The following RBMS3 variants were observed in gnomAD, a reference collection of about 807,000 sequenced individuals.
RBMS3 encodes RNA binding motif single stranded interacting protein 3.
A neutral mutation model predicts 66.8 loss-of-function variants in RBMS3; 27 were observed. That is an observed-to-expected ratio of 0.40 (90% confidence interval 0.30 to 0.56). The LOEUF (loss-of-function observed/expected upper bound fraction) is 0.56, where lower values mean the gene tolerates loss of function less well. Ranked by LOEUF, RBMS3 falls within the 20% of genes least tolerant of loss-of-function variation. RBMS3 has a pLI of 0.40. For synonymous variants in RBMS3, 188 were observed against 183.0 expected, an observed-to-expected ratio of 1.03 and a Z score of -0.22; for missense variants, 513 against 549.5, an observed-to-expected ratio of 0.93 and a Z score of 0.66.
chr3:29,695,943 G>A (rs1040828707), intron 4 of RBMS3, among the ~76,000 whole-genome samples: 12 of 152,194 alleles, frequency 7.9e-5, no homozygotes, highest in African/African-American at 2.4e-4. Context: ...TGAGCAGTGA[G>A]ATGGCCAAGG....
intron 6 of RBMS3, among the ~76,000 whole-genome samples, chr3:29,848,403 C>G (rs1184340547): frequency 6.6e-6 from 1 of 152,148 alleles, no homozygotes; most frequent in South Asian, 2.1e-4. Context: ...TTTTCTTTCA[C>G]TTGAAGCTTA....
intron 8 of RBMS3, 117 bp downstream of exon 8, chr3:29,884,325 G>A: frequency 1.1e-6 from 1 of 891,554 alleles, no homozygotes; most frequent in South Asian, 1.7e-5. Flanking sequence ...TAAACACAAA[G>A]TTTAAACCAA....
intron 2 of RBMS3, among the ~76,000 whole-genome samples, chr3:29,458,570 A>C (rs2042269983): frequency 6.6e-6 from 1 of 152,194 alleles, no homozygotes; most frequent in Admixed American, 6.5e-5. Context: ...TGTAAATGCT[A>C]TTCAACAGTT....
At chr3:29,466,490 G>A (rs1236552297) in intron 2 of RBMS3, among the ~76,000 whole-genome samples, 2 of 151,960 alleles carry the variant, frequency 1.3e-5, no homozygotes, top group East Asian at 3.9e-4. Context: ...ATGGATTCGT[G>A]CAGCTTTTGA....
chr3:29,527,987 T>A lies in RBMS3; in HGVS notation c.307+39488T>A, dbSNP rs532739800. Among the ~76,000 whole-genome samples, 4 of 151,896 alleles carry A rather than the reference T, an allele frequency of 2.6e-5. No homozygotes were observed. In the South Asian group the frequency reaches 8.3e-4, roughly 32 times the overall value. ...TATAATCTAAAAATTCTTAGTGTATTTTTTTTACCCTCAAATACTCAAGCA... is the reference window on the plus strand; with the variant it reads ...TATAATCTAAAAATTCTTAGTGTATATTTTTTACCCTCAAATACTCAAGCA... On this transcript the variant is annotated intron_variant, in intron 3 of 14. Coordinates refer to ENST00000383767, the MANE Select transcript of RBMS3 (RefSeq NM_001003793.3).
At chr3:29,339,940 A>G (rs1353903738) in intron 1 of RBMS3, among the ~76,000 whole-genome samples, 4 of 152,168 alleles carry the variant, frequency 2.6e-5, no homozygotes, top group Non-Finnish European at 1.5e-5. Context: ...TGAGAGAAGT[A>G]GCATCCTTTG....
intron 4 of RBMS3, among the ~76,000 whole-genome samples, chr3:29,717,792 A>G (rs573232122): frequency 3.3e-5 from 5 of 152,166 alleles, no homozygotes; most frequent in Admixed American, 6.6e-5. Flanking sequence ...AAGCAGAAAA[A>G]TGACTTAGCG....
chr3:29,561,458 TG>T (rs1464431660), intron 3 of RBMS3, among the ~76,000 whole-genome samples: 110 of 152,108 alleles, frequency 7.2e-4, no homozygotes, highest in African/African-American at 2.4e-3. Flanking sequence ...TTGTTGTTGT[TG>T]TTGTTGTTGC....
In RBMS3 at chr3:29,858,338, A is replaced by G. The variant is rs1352995267; in HGVS notation, c.638-10520A>G. ...ATAGTAATCTATAAATATAAAATAC[A>G]GTATGCAAAGAGCTGTCTCAGAGGA... is the stretch of plus-strand genomic sequence containing the variant. On this transcript the variant is annotated intron_variant, in intron 6 of 14. Transcript: ENST00000383767. Among the ~76,000 whole-genome samples, 4 of 152,226 alleles carry G rather than the reference A, an allele frequency of 2.6e-5. No individual in the cohort carries two copies. The East Asian group carries it at 7.7e-4, about 29-fold the overall frequency.
chr3:29,381,766 C>G (rs1249396418), intron 1 of RBMS3, among the ~76,000 whole-genome samples: 1 of 152,312 alleles, frequency 6.6e-6, no homozygotes, highest in African/African-American at 2.4e-5. Context: ...GGTCAGACAT[C>G]ACATATGTGG....
intron 4 of RBMS3, among the ~76,000 whole-genome samples, chr3:29,655,470 G>A (rs190440785): frequency 1.3e-3 from 195 of 152,290 alleles, no homozygotes; most frequent in Non-Finnish European, 1.3e-3. Context: ...GGTCTCATAA[G>A]ATTATAATAG....
chr3:29,503,794 A>G (rs144861452), intron 3 of RBMS3, among the ~76,000 whole-genome samples: 323 of 152,270 alleles, frequency 2.1e-3, no homozygotes, highest in African/African-American at 7.2e-3. Flanking sequence ...ATAGGTGCCT[A>G]TAAAGTACCT....
intron 1 of RBMS3, among the ~76,000 whole-genome samples, chr3:29,384,461 A>G (rs1452614007): frequency 6.6e-6 from 1 of 151,950 alleles, no homozygotes; most frequent in African/African-American, 2.4e-5. Flanking sequence ...AAGAAGAAGA[A>G]GAAGAATCCA....
chr3:29,512,842 C>A (rs1576070095), intron 3 of RBMS3, among the ~76,000 whole-genome samples: 1 of 152,160 alleles, frequency 6.6e-6, no homozygotes, highest in African/African-American at 2.4e-5. Flanking sequence ...GAGGAAAATT[C>A]CAACAATCTA....
intron 3 of RBMS3, among the ~76,000 whole-genome samples, chr3:29,524,415 A>ATC (rs1367633164): frequency 3.7e-4 from 21 of 57,074 alleles, no homozygotes; most frequent in Admixed American, 5.2e-4. Flanking sequence ...CTCCCTTTAC[A>ATC]TTTTTTTTTT....
intron 1 of RBMS3, among the ~76,000 whole-genome samples, chr3:29,337,557 G>A (rs891952864): frequency 6.6e-6 from 1 of 151,980 alleles, no homozygotes; most frequent in Non-Finnish European, 1.5e-5. Context: ...GAGGCAAGAG[G>A]ATTGCTTGAG....
chr3:29,457,622 T>C (rs972204677), intron 2 of RBMS3, among the ~76,000 whole-genome samples: 8 of 152,138 alleles, frequency 5.3e-5, no homozygotes, highest in Non-Finnish European at 1.0e-4. Context: ...CTCAGGAAGC[T>C]GAGGCATGAG....
At chr3:29,721,917 T>A (rs2149321935) in intron 4 of RBMS3, among the ~76,000 whole-genome samples, 1 of 152,256 alleles carries the variant, frequency 6.6e-6, no homozygotes, top group South Asian at 2.1e-4. Flanking sequence ...GCCTAAAACC[T>A]TTAGTGGAGA....
At chr3:29,539,894 T>C (rs577058722) in intron 3 of RBMS3, among the ~76,000 whole-genome samples, 8 of 152,364 alleles carry the variant, frequency 5.3e-5, no homozygotes, top group African/African-American at 1.4e-4. Flanking sequence ...AGTTTATTTC[T>C]TGAAGAATTT....
Sources: gnomAD v4.1 joint callset for allele counts (sites outside exome capture counted in the v4.1 genomes callset) on GRCh38, gnomAD v4.1.1 for gene constraint, MANE v1.5 for transcripts, NCBI Gene and HGNC (gene_info 2026-07-23, HGNC 2026-07-21) for gene names.